HDAC9: variants seen among roughly 807,000 people sequenced by gnomAD.
HDAC9 encodes the protein MEF-2 interacting transcription repressor (MITR) protein.
A neutral mutation model predicts 139.4 loss-of-function variants in HDAC9; 41 were observed. The ratio of observed to expected loss-of-function variants is 0.29; its 90% CI spans 0.23 to 0.38. The LOEUF is 0.38. HDAC9 is among the 10% of genes least tolerant of loss of function. The probability of loss-of-function intolerance (pLI) is 1.00; values close to 1 mark genes in which losing one functional copy is unlikely to be tolerated. For missense variants in HDAC9, 1,147 were observed against 1,297.0 expected (o/e 0.88, Z 1.78); for synonymous variants, 517 against 476.2 (o/e 1.09, Z -1.12).
intron 21 of HDAC9, among the ~76,000 whole-genome samples, chr7:18,872,818 G>A (rs1158722207): frequency 1.3e-5 from 2 of 152,034 alleles, no homozygotes; most frequent in African/African-American, 4.8e-5. Context: ...AATACTGGGG[G>A]GAAAATGAGG....
chr7:18,573,429 C>T (rs1436332016), intron 2 of HDAC9, among the ~76,000 whole-genome samples: 2 of 152,212 alleles, frequency 1.3e-5, no homozygotes, highest in Non-Finnish European at 2.9e-5. Context: ...GTCTAGGGAT[C>T]GCTAGGGCGT....
rs1318160438 is a variant in HDAC9, at chr7:18,611,424, T to A, written c.664+17395T>A. On this transcript the variant is annotated intron_variant, in intron 6 of 25. Transcript: ENST00000686413. ...TGGTGACTATGTGCTAGATCCATTT[T>A]AGGCATCTTACCTATATCTTATTAA... 2.0e-5 allele frequency among the ~76,000 whole-genome samples: 3 copies of A among 152,184 alleles called. No homozygotes were observed. The East Asian group carries it at 5.8e-4, about 29-fold the overall frequency.
intron 1 of HDAC9, among the ~76,000 whole-genome samples, chr7:18,409,846 T>G (rs1399054559): frequency 6.6e-6 from 1 of 152,212 alleles, no homozygotes; most frequent in Non-Finnish European, 1.5e-5. Context: ...TTGGCTAAAT[T>G]AAACATTTGC....
chr7:18,401,782 G>A (rs1292545373), intron 1 of HDAC9, among the ~76,000 whole-genome samples: 1 of 152,104 alleles, frequency 6.6e-6, no homozygotes, highest in Non-Finnish European at 1.5e-5. Context: ...ACTACTCATA[G>A]TTCACAATCT....
At chr7:18,708,864 A>G (rs1156949280) in intron 12 of HDAC9, among the ~76,000 whole-genome samples, 1 of 152,118 alleles carries the variant, frequency 6.6e-6, no homozygotes, top group Non-Finnish European at 1.5e-5. Flanking sequence ...AAAAAGAAGC[A>G]AAATCCTCTG....
In HDAC9 at chr7:18,500,843, A is replaced by T. The variant is rs558775389; in HGVS notation, c.22+4519A>T. Among the ~76,000 whole-genome samples the T allele has an allele frequency of 1.2e-4, 19 of 152,200 alleles. No individual in the cohort carries two copies. The South Asian group carries it at 2.9e-3, about 23-fold the overall frequency. ...GAGCACCTTACATAAATTTTATATT[A>T]AAAAAAGCTGAAAGGTGAGATGATA... is the stretch of plus-strand genomic sequence containing the variant. On this transcript the variant is annotated intron_variant, in intron 2 of 25. Transcript: ENST00000686413.
At chr7:18,458,863 C>T (rs754800414) in intron 1 of HDAC9, 2 of 1,534,864 alleles carry the variant, frequency 1.3e-6, no homozygotes, top group East Asian at 2.4e-5. Context: ...AACCTTGTAC[C>T]ATGGGTGCTA....
chr7:18,142,265 C>A (rs1325315092), intron 1 of HDAC9, among the ~76,000 whole-genome samples: 1 of 152,082 alleles, frequency 6.6e-6, no homozygotes, highest in Admixed American at 6.6e-5. Flanking sequence ...AAATAAGTAA[C>A]TTAATTTGGC....
intron 6 of HDAC9, among the ~76,000 whole-genome samples, chr7:18,628,557 A>C (rs902883967): frequency 6.6e-6 from 1 of 152,218 alleles, no homozygotes; most frequent in African/African-American, 2.4e-5. Context: ...CTAAAGTATA[A>C]TTATTTTGAA....
At chr7:18,733,040 TATAC>T (rs1250264234) in intron 13 of HDAC9, among the ~76,000 whole-genome samples, 1 of 146,370 alleles carries the variant, frequency 6.8e-6, no homozygotes. Flanking sequence ...TATATACAGA[TATAC>T]ATATATACAT....
chr7:18,580,896 C>T (rs1047938694), intron 2 of HDAC9, among the ~76,000 whole-genome samples: 1 of 152,168 alleles, frequency 6.6e-6, no homozygotes, highest in African/African-American at 2.4e-5. Flanking sequence ...TATTGTGTTA[C>T]TATTATTTCT....
At chr7:18,347,090 A>T (rs1782474203) in intron 1 of HDAC9, among the ~76,000 whole-genome samples, 1 of 152,204 alleles carries the variant, frequency 6.6e-6, no homozygotes, top group African/African-American at 2.4e-5. Context: ...TGAATATTTC[A>T]CAGTAACTCT....
chr7:18,570,867 G>T (rs182231899), intron 2 of HDAC9, among the ~76,000 whole-genome samples: 3 of 152,324 alleles, frequency 2.0e-5, no homozygotes, highest in Admixed American at 2.0e-4. Flanking sequence ...TAGAATAAGA[G>T]AAACTCGGGA....
chr7:18,702,733 C>A, intron 12 of HDAC9, among the ~76,000 whole-genome samples: 1 of 152,244 alleles, frequency 6.6e-6, no homozygotes, highest in African/African-American at 2.4e-5. Flanking sequence ...GACAACTCGG[C>A]GGAACAATTA....
chr7:18,096,394 A>C (rs1782500835), intron 1 of HDAC9, among the ~76,000 whole-genome samples: 1 of 152,230 alleles, frequency 6.6e-6, no homozygotes, highest in Admixed American at 6.5e-5. Flanking sequence ...AAGTGCAAAC[A>C]ACATGATGAA....
chr7:18,874,776 AAAAC>A, intron 22 of HDAC9, among the ~76,000 whole-genome samples, 180 bp downstream of exon 22: 1 of 152,176 alleles, frequency 6.6e-6, no homozygotes, highest in Non-Finnish European at 1.5e-5. Context: ...GCCTTTAAGA[AAAAC>A]AAAGTTAAAG....
intron 2 of HDAC9, among the ~76,000 whole-genome samples, chr7:18,547,866 T>TTCCTTCCTTCCTTCCTA: frequency 1.3e-5 from 1 of 78,552 alleles, no homozygotes; most frequent in Non-Finnish European, 2.6e-5. Context: ...CTACCCTCCC[T>TTCCTTCCTTCCTTCCTA]CCCTCCCTCC....
At chr7:18,515,257 G>C (rs988629884) in intron 2 of HDAC9, among the ~76,000 whole-genome samples, 1 of 152,134 alleles carries the variant, frequency 6.6e-6, no homozygotes, top group Non-Finnish European at 1.5e-5. Context: ...GTAATGCATG[G>C]AAATTTTTCT....
At chr7:18,126,136 G>A (rs934168723) in intron 1 of HDAC9, among the ~76,000 whole-genome samples, 2 of 152,046 alleles carry the variant, frequency 1.3e-5, no homozygotes, top group Non-Finnish European at 2.9e-5. Flanking sequence ...TGGATTTCTG[G>A]TATTGATTCG....
Sources: gnomAD v4.1 joint callset for allele counts (sites outside exome capture counted in the v4.1 genomes callset) on GRCh38, gnomAD v4.1.1 for gene constraint, MANE v1.5 for transcripts, NCBI Gene and HGNC (gene_info 2026-07-23, HGNC 2026-07-21) for gene names.